The following XKR9 variants were observed in gnomAD, a reference collection of about 807,000 sequenced individuals.
The protein encoded by XKR9 is XK-related protein 9.
Under a neutral mutation model 32.0 loss-of-function variants are expected in XKR9, and 32 were observed. The observed-to-expected ratio is 1.00, with a 90% confidence interval of 0.76 to 1.34. The LOEUF (loss-of-function observed/expected upper bound fraction) is 1.34. Ranked by LOEUF, XKR9 falls within the 40% of genes most tolerant of loss-of-function variation. The pLI, the probability that XKR9 is intolerant of heterozygous loss-of-function variation, is 0.00. For missense variants in XKR9, 546 were observed against 429.7 expected, an observed-to-expected ratio of 1.27 and a Z score of -2.39; for synonymous variants, 168 against 143.4, an observed-to-expected ratio of 1.17 and a Z score of -1.22.
chr8:70,717,912 T>A (rs1340029625), intron 4 of XKR9, among the ~76,000 whole-genome samples: 1 of 152,120 alleles, frequency 6.6e-6, no homozygotes, highest in Non-Finnish European at 1.5e-5. Context: ...AAATCATCTC[T>A]CTCAAGTTCA....
the XKR9 span, among the ~76,000 whole-genome samples, chr8:71,052,561 C>A: frequency 6.6e-6 from 1 of 152,302 alleles, no homozygotes; most frequent in Admixed American, 6.5e-5. Flanking sequence ...AGGCATGATT[C>A]TGCCGCCCAC....
At chr8:70,747,824 A>AT (rs1293365920) in intron 2 of XKR9, among the ~76,000 whole-genome samples, 1 of 152,124 alleles carries the variant, frequency 6.6e-6, no homozygotes, top group Non-Finnish European at 1.5e-5. Flanking sequence ...ACTTGACATT[A>AT]TTTTTTGGAT....
At chr8:70,764,187 T>G (rs996160536) in intron 2 of XKR9, among the ~76,000 whole-genome samples, 2 of 152,208 alleles carry the variant, frequency 1.3e-5, no homozygotes, top group Non-Finnish European at 2.9e-5. Context: ...AAATGAGAGA[T>G]AATAATGACA....
chr8:70,906,579 A>G, the XKR9 span, among the ~76,000 whole-genome samples: 1 of 152,216 alleles, frequency 6.6e-6, no homozygotes, highest in Non-Finnish European at 1.5e-5. Context: ...TTTGATGGAT[A>G]TAGTGAATGT....
At chr8:70,885,213 T>C in the XKR9 span, among the ~76,000 whole-genome samples, 1 of 152,160 alleles carries the variant, frequency 6.6e-6, no homozygotes, top group African/African-American at 2.4e-5. Context: ...CAATTGACTT[T>C]TGTATCTTGA....
At chr8:70,991,786 A>C in the XKR9 span, among the ~76,000 whole-genome samples, 4 of 152,240 alleles carry the variant, frequency 2.6e-5, no homozygotes, top group African/African-American at 9.6e-5. Context: ...ATTATAAAAA[A>C]CTACAAGTAA....
chr8:70,996,174 C>A, the XKR9 span, among the ~76,000 whole-genome samples: 1 of 152,168 alleles, frequency 6.6e-6, no homozygotes, highest in Non-Finnish European at 1.5e-5. Flanking sequence ...GTATGACAAG[C>A]ACATGCAGAA....
chr8:70,961,630 T>A, the XKR9 span, among the ~76,000 whole-genome samples: 3 of 152,240 alleles, frequency 2.0e-5, no homozygotes, highest in African/African-American at 7.2e-5. Context: ...AAACATATAA[T>A]CATTGTAAAA....
At chr8:70,984,810 G>T in the XKR9 span, among the ~76,000 whole-genome samples, 7 of 152,072 alleles carry the variant, frequency 4.6e-5, no homozygotes, top group African/African-American at 1.2e-4. Flanking sequence ...ATATTAATTG[G>T]CTTTAAAATA....
chr8:70,779,496 T>C (rs1807585717), intron 2 of XKR9, among the ~76,000 whole-genome samples: 1 of 152,196 alleles, frequency 6.6e-6, no homozygotes, highest in South Asian at 2.1e-4. Flanking sequence ...ATTCCCTCTT[T>C]TTCTATTGTT....
At chr8:70,785,967 G>C (rs1309769575) in intron 2 of XKR9, among the ~76,000 whole-genome samples, 1 of 151,902 alleles carries the variant, frequency 6.6e-6, no homozygotes, top group East Asian at 1.9e-4. Flanking sequence ...GGGATTACAG[G>C]TGTGAGCCAC....
At chr8:70,961,594 T>G in the XKR9 span, among the ~76,000 whole-genome samples, 3 of 152,210 alleles carry the variant, frequency 2.0e-5, no homozygotes, top group Admixed American at 6.5e-5. Flanking sequence ...ATATTTCAAT[T>G]AAAAAATATC....
the XKR9 span, among the ~76,000 whole-genome samples, chr8:70,972,900 A>C: frequency 6.6e-6 from 1 of 152,252 alleles, no homozygotes; most frequent in East Asian, 1.9e-4. Flanking sequence ...TTCTATGCTT[A>C]TCAGGGATAA....
chr8:71,000,939 A>G, the XKR9 span, among the ~76,000 whole-genome samples: 86,770 of 152,040 alleles, frequency 0.57, 25,859 homozygotes, highest in African/African-American at 0.64. Context: ...TTAGCATAGA[A>G]AGAAGGGCAC....
Position 70,779,138 on chromosome 8 carries a change from A to G in XKR9, n.353-10201A>G, listed in dbSNP as rs1368726780. On this transcript the variant is annotated intron_variant and non_coding_transcript_variant, in intron 2 of 3. Coordinates refer to the XKR9 transcript ENST00000520273. ...GATATGTTCCATCAATACCTAGTTT[A>G]CTGAGAGTTTTTGGCATGAATGACT... Among the ~76,000 whole-genome samples, 4 of 152,138 alleles carry G rather than the reference A, an allele frequency of 2.6e-5. 1 individual carries two copies. The highest frequency in any genetic ancestry group is 2.6e-4 in the Admixed American group (4 of 15,270).
the XKR9 span, among the ~76,000 whole-genome samples, chr8:70,811,290 A>T: frequency 6.6e-6 from 1 of 152,314 alleles, no homozygotes; most frequent in East Asian, 1.9e-4. Flanking sequence ...CATTCAAAGC[A>T]GTGTGTAGAG....
chr8:70,931,148 TAAA>T, the XKR9 span, among the ~76,000 whole-genome samples: 1 of 141,228 alleles, frequency 7.1e-6, no homozygotes, highest in African/African-American at 2.6e-5. Context: ...CAAGCTTAAG[TAAA>T]AAAAAAAAAA....
chr8:70,698,020 C>A (rs13254770), intron 3 of XKR9, among the ~76,000 whole-genome samples: 58,641 of 150,012 alleles, frequency 0.39, 12,293 homozygotes, highest in Non-Finnish European at 0.51. Context: ...TCTGTGGGAT[C>A]GGTGGTGATA....
intron 4 of XKR9, among the ~76,000 whole-genome samples, chr8:70,732,024 A>C (rs1191891204): frequency 6.6e-6 from 1 of 152,198 alleles, no homozygotes; most frequent in Admixed American, 6.5e-5. Flanking sequence ...AAGACTTCCT[A>C]CTAGTTAGGG....
Sources: allele counts gnomAD v4.1 joint callset (sites outside exome capture counted in the v4.1 genomes callset), GRCh38; gene constraint gnomAD v4.1.1; transcripts MANE v1.5; gene names NCBI Gene and HGNC (gene_info 2026-07-23, HGNC 2026-07-21).